Variants in NAALAD2 observed in about 807,000 individuals in gnomAD.
NAALAD2 encodes N-acetylated-alpha-linked acidic dipeptidase 2.
A neutral mutation model predicts 95.6 loss-of-function variants in NAALAD2; 89 were observed. The observed-to-expected ratio is 0.93, with a 90% CI of 0.78 to 1.11. The LOEUF is 1.11. Ranked by LOEUF, NAALAD2 falls within the 50% of genes least tolerant of loss-of-function variation. NAALAD2 has a pLI of 0.00. For synonymous variants in NAALAD2, 264 were observed against 294.4 expected, an observed-to-expected ratio of 0.90 and a Z score of 1.06; for missense variants, 894 against 872.4, an observed-to-expected ratio of 1.02 and a Z score of -0.31.
At position 90,192,693 on chromosome 11, in the gene NAALAD2, T is replaced by C. The variant is rs925257913; in HGVS notation, c.*946T>C. ...AATGGTCAGGAAAAAGCCAGTAATA[T>C]TCATACATTTAATAATTTCAGCTCT... On this transcript the variant is annotated 3_prime_UTR_variant, in exon 19 of 19. Transcript: ENST00000534061. 4 of 152,042 alleles carry C rather than the reference T, an allele frequency of 2.6e-5. No homozygotes were observed. Among genetic ancestry groups the C allele is most frequent in the African/African-American group, 9.7e-5 (4 of 41,442 alleles). 9.4% of individuals were successfully genotyped at this position (152,042 alleles called of 1,614,324 possible). A position where few individuals can be genotyped will look rare whatever the true frequency, so the allele number is the denominator to read the frequency against.
Position 90,163,000 on chromosome 11 carries a change from T to C in NAALAD2, c.1041T>C (p.Asn347=), listed in dbSNP as rs7931716. 2,893 of 1,575,552 alleles carry C rather than the reference T, an allele frequency of 1.8e-3. 47 individuals carry two copies. In the African/African-American group the frequency reaches 0.035, roughly 19 times the overall value. ...YNINKITRIY[N]VVGTIRGSVE... ...TCAATAAAATTACAAGGATTTACAATGTAGTTGGAACTATCAGAGGATCTG... is the reference window on the plus strand; with the variant it reads ...TCAATAAAATTACAAGGATTTACAACGTAGTTGGAACTATCAGAGGATCTG... The change falls in exon 9 of 19, where the codon AAT becomes AAC. Residue 347 remains asparagine, a synonymous_variant. Transcript: ENST00000534061.
intron 1 of NAALAD2, among the ~76,000 whole-genome samples, 195 bp from the exon 2 acceptor site, chr11:90,135,364 C>T (rs1194146930): frequency 6.6e-6 from 1 of 152,138 alleles, no homozygotes; most frequent in African/African-American, 2.4e-5. Flanking sequence ...TTTTAAGCAT[C>T]TAAAAATTAT....
chr11:90,138,283 G>A (rs970184471), intron 2 of NAALAD2, among the ~76,000 whole-genome samples: 1 of 152,170 alleles, frequency 6.6e-6, no homozygotes, highest in Non-Finnish European at 1.5e-5. Context: ...GGCTGAGGAG[G>A]AGGAGGAAGA....
intron 11 of NAALAD2, among the ~76,000 whole-genome samples, chr11:90,168,664 AT>A (rs200608686): frequency 5.3e-5 from 8 of 151,256 alleles, no homozygotes; most frequent in African/African-American, 1.2e-4. Context: ...CTTTGAAAAT[AT>A]TTTTTTTTCT....
At chr11:90,185,449 T>C (rs1305311187) in intron 18 of NAALAD2, among the ~76,000 whole-genome samples, 1 of 152,006 alleles carries the variant, frequency 6.6e-6, no homozygotes, top group Non-Finnish European at 1.5e-5. Flanking sequence ...GAAAGGAGGA[T>C]CGCTTGAGGC....
chr11:90,134,997 A>G, intron 1 of NAALAD2, 157 bp downstream of exon 1: 1 of 682,942 alleles, frequency 1.5e-6, no homozygotes, highest in Non-Finnish European at 2.5e-6. Flanking sequence ...AAAACTAGAA[A>G]CCAGATGGAA....
chr11:90,135,850 T>G lies in NAALAD2; in HGVS notation c.194+180T>G, dbSNP rs529827241. On this transcript the variant is annotated intron_variant, in intron 2 of 18. Transcript: ENST00000534061. ...ACCAGTCTTGGGGTGAAAAAGTAGG[T>G]CTTTCTTCCCTAACTTTATGTAACA... 4.3e-4 allele frequency among the ~76,000 whole-genome samples: 65 copies of G among 152,044 alleles called. 1 individual carries two copies. The South Asian group carries it at 0.012, about 29-fold the overall frequency.
intron 18 of NAALAD2, among the ~76,000 whole-genome samples, chr11:90,190,673 T>A (rs1365257817): frequency 1.3e-5 from 2 of 152,084 alleles, no homozygotes; most frequent in Non-Finnish European, 1.5e-5. Flanking sequence ...ATTTTAATTT[T>A]AAAAAAATCC....
intron 2 of NAALAD2, among the ~76,000 whole-genome samples, chr11:90,146,561 G>C (rs956007725): frequency 4.0e-5 from 6 of 151,608 alleles, no homozygotes; most frequent in Admixed American, 6.6e-5. Context: ...GGTAGTTCAA[G>C]ACCATGTTGG....
chr11:90,177,889 A>G lies in NAALAD2; in HGVS notation c.1630A>G (p.Thr544Ala), dbSNP rs776940426. Residue 544 changes from threonine (T) to alanine (A), a missense_variant, in exon 16 of 19, where the codon ACA (threonine) becomes GCA (alanine). Physicochemically the swap from Thr to Ala is moderately conservative, Grantham distance 58. Transcript: ENST00000534061. ...DKYSSYPVYH[T>A]IYETFELVEK... Reference sequence around the variant, plus strand: ...GTACAGCAGCTACCCAGTGTACCACACAATTTATGAGACATTTGAATTGGT... The same window carrying G: ...GTACAGCAGCTACCCAGTGTACCACGCAATTTATGAGACATTTGAATTGGT... The G allele has an allele frequency of 1.9e-6, 3 of 1,613,780 alleles. No individual in the cohort carries two copies. In the Admixed American group the frequency reaches 5.0e-5, roughly 27 times the overall value.
chr11:90,183,477 C>A lies in NAALAD2; in HGVS notation c.2033+469C>A, dbSNP rs149002697. Among the ~76,000 whole-genome samples, 81 of 152,196 alleles carry A rather than the reference C, an allele frequency of 5.3e-4. 4 individuals are homozygous for A. The East Asian group carries it at 0.015, about 29-fold the overall frequency. ...ACATCTATTTTCCTGTAATATTTTT[C>A]TCTTTGAGTTTGTTCTGTTAAAGTC... On this transcript the variant is annotated intron_variant, in intron 18 of 18. Transcript: ENST00000534061.
rs1301334144 is a variant in NAALAD2, at chr11:90,192,728, A to G, written c.*981A>G. On this transcript the variant is annotated 3_prime_UTR_variant, in exon 19 of 19. Transcript: ENST00000534061. Reference sequence around the variant, plus strand: ...TAATAATTTCAGCTCTACTGAATAAACATATAAGTCTGATGGGTGATGAAA... The same window carrying G: ...TAATAATTTCAGCTCTACTGAATAAGCATATAAGTCTGATGGGTGATGAAA... 6.6e-6 allele frequency: 1 copy of G among 152,006 alleles called. No homozygotes were observed. Among genetic ancestry groups the G allele is most frequent in the African/African-American group, 2.4e-5 (1 of 41,434 alleles). 9.4% of individuals were successfully genotyped at this position (152,006 alleles called of 1,614,324 possible).
At chr11:90,167,159 C>T (rs912919030) in intron 11 of NAALAD2, among the ~76,000 whole-genome samples, 1 of 152,170 alleles carries the variant, frequency 6.6e-6, no homozygotes, top group Non-Finnish European at 1.5e-5. Flanking sequence ...AAGGCTGGAG[C>T]CGGCTCCCTC....
intron 18 of NAALAD2, among the ~76,000 whole-genome samples, chr11:90,188,405 A>G (rs926193224): frequency 6.6e-6 from 1 of 152,220 alleles, no homozygotes; most frequent in Non-Finnish European, 1.5e-5. Context: ...GTCTTAGTCC[A>G]TTCCTGCTGC....
Position 90,178,095 on chromosome 11 carries a change from G to T in NAALAD2, c.1836G>T (p.Leu612Phe). 6.2e-7 allele frequency: 1 copy of T among 1,612,440 alleles called. No individual in the cohort carries two copies. The highest frequency in any genetic ancestry group is 1.1e-5 in the South Asian group (1 of 90,612). The stretch of plus-strand genomic sequence containing the variant: ...TATCTAAGAAACATGATCAACAATT[G>T]ACAGACCATGGAGTATCATTTGGTA... Reference protein sequence around the residue: ...YNLSKKHDQQLTDHGVSFDSL... With the variant: ...YNLSKKHDQQFTDHGVSFDSL... Residue 612 changes from leucine to phenylalanine, a missense_variant, in exon 16 of 19, where the codon TTG becomes TTT. Coordinates refer to ENST00000534061, the MANE Select transcript of NAALAD2 (RefSeq NM_005467.4).
chr11:90,162,051 C>T lies in NAALAD2; in HGVS notation c.990-898C>T, dbSNP rs1281391124. 2.0e-5 allele frequency among the ~76,000 whole-genome samples: 3 copies of T among 151,976 alleles called. No homozygotes were observed. The East Asian group carries it at 5.8e-4, about 29-fold the overall frequency. ...GAGGGAAGCCAGAATTTGTTCTTAA[C>T]AATATACAAGTTTCGGGGGCTTATT... On this transcript the variant is annotated intron_variant, in intron 8 of 18. Coordinates refer to ENST00000534061, the MANE Select transcript of NAALAD2 (RefSeq NM_005467.4).
intron 17 of NAALAD2, 27 bp downstream of exon 17, chr11:90,181,728 A>G: frequency 3.2e-6 from 1 of 312,594 alleles, no homozygotes; most frequent in Non-Finnish European, 4.0e-6. Flanking sequence ...TTTTTTTTTA[A>G]AAAAAAAAAA....
At chr11:90,161,087 G>A (rs966109464) in intron 8 of NAALAD2, among the ~76,000 whole-genome samples, 2 of 152,276 alleles carry the variant, frequency 1.3e-5, no homozygotes, top group African/African-American at 4.8e-5. Flanking sequence ...TAGAGTATCA[G>A]CAAAGTTAAA....
rs1284656044 is a variant in NAALAD2, at chr11:90,147,324, T to A, written c.195-6T>A. ...AATGCCCTCTTATGTTTTATTTTCA[T>A]TTTAGTTCTTTTACAAAGCTTCCTC... is the stretch of plus-strand genomic sequence containing the variant. On this transcript the variant is annotated splice_region_variant and splice_polypyrimidine_tract_variant and intron_variant, in intron 2 of 18. Coordinates refer to ENST00000534061, the MANE Select transcript of NAALAD2 (RefSeq NM_005467.4). 6.2e-7 allele frequency: 1 copy of A among 1,610,252 alleles called. No individual in the cohort carries two copies. The highest frequency in any genetic ancestry group is 8.5e-7 in the Non-Finnish European group (1 of 1,177,892).
Sources: allele counts gnomAD v4.1 joint callset (sites outside exome capture counted in the v4.1 genomes callset), GRCh38; gene constraint gnomAD v4.1.1; transcripts MANE v1.5; gene names NCBI Gene and HGNC (gene_info 2026-07-23, HGNC 2026-07-21).